SRGAP3: variants seen among roughly 807,000 people sequenced by gnomAD.
SRGAP3 encodes the protein SLIT-ROBO Rho GTPase-activating protein 3.
SRGAP3 carries 39 observed loss-of-function variants against 121.1 expected under a neutral mutation model. That is an observed-to-expected ratio of 0.32 (90% CI 0.25 to 0.42). The LOEUF is 0.42. SRGAP3 is among the 10% of genes least tolerant of loss of function. SRGAP3 has a pLI of 1.00. For synonymous variants in SRGAP3, 601 were observed against 570.0 expected, an observed-to-expected ratio of 1.05 and a Z score of -0.77; for missense variants, 1,213 against 1,470.6, an observed-to-expected ratio of 0.82 and a Z score of 2.86.
intron 19 of SRGAP3, 102 bp downstream of exon 19, chr3:8,994,241 G>C: frequency 2.1e-6 from 3 of 1,455,062 alleles, no homozygotes; most frequent in South Asian, 2.3e-5. Flanking sequence ...ATATCAAGGA[G>C]AGCAAATTGC....
At position 9,277,210 on chromosome 3, in the gene SRGAP3, G is replaced by A. The variant is rs1954600981; in HGVS notation, n.442+48800C>T. Among the ~76,000 whole-genome samples, 3 of 152,144 alleles carry A rather than the reference G, an allele frequency of 2.0e-5. No individual in the cohort carries two copies. The South Asian group carries it at 6.2e-4, about 31-fold the overall frequency. On this transcript the variant is annotated intron_variant and non_coding_transcript_variant, in intron 3 of 3. Transcript: ENST00000490889. ...TTTAATGCTCACAAAAACCTTGCAAGACATTATTCTCTCTGACTCATAGGT... is the reference window on the plus strand; with the variant it reads ...TTTAATGCTCACAAAAACCTTGCAAAACATTATTCTCTCTGACTCATAGGT...
chr3:9,058,390 C>T lies in SRGAP3; in HGVS notation c.884G>A (p.Arg295His), dbSNP rs1318503196. Residue 295 changes from arginine to histidine, a missense_variant, in exon 7 of 22, where the codon CGC becomes CAC. This residue lies in a region of SRGAP3 where 793 missense variants were observed against 1,032.9 expected (regional missense o/e 0.77). Transcript: ENST00000383836. Reference sequence around the variant, plus strand: ...CTCAATGACATCCAGCCCTTCGTGGCGAGAGGTCTCCAGGTTGTATTCAGC... The same window carrying T: ...CTCAATGACATCCAGCCCTTCGTGGTGAGAGGTCTCCAGGTTGTATTCAGC... Reference protein sequence around the residue: ...LSAEYNLETSRHEGLDVIENA... With the variant: ...LSAEYNLETSHHEGLDVIENA... 2 of 1,614,184 alleles carry T rather than the reference C, an allele frequency of 1.2e-6. No individual in the cohort carries two copies. The highest frequency in any genetic ancestry group is 1.1e-5 in the South Asian group (1 of 91,078).
intron 3 of SRGAP3, among the ~76,000 whole-genome samples, chr3:9,082,307 C>T (rs1285343724): frequency 5.3e-5 from 8 of 152,318 alleles, no homozygotes; most frequent in African/African-American, 9.6e-5. Context: ...ACAAATTACC[C>T]GGCCTCAGGT....
intron 1 of SRGAP3, among the ~76,000 whole-genome samples, chr3:9,248,023 G>C (rs977358747): frequency 6.6e-6 from 1 of 152,224 alleles, no homozygotes; most frequent in Non-Finnish European, 1.5e-5. Flanking sequence ...CGCCTGGCTA[G>C]CGTGGATTTA....
rs184970882 is a variant in SRGAP3, at chr3:9,148,284, A to G, written c.68-23367T>C. Among the ~76,000 whole-genome samples the G allele has an allele frequency of 5.9e-5, 9 of 152,324 alleles. No individual in the cohort carries two copies. In the East Asian group the frequency reaches 1.7e-3, roughly 29 times the overall value. On this transcript the variant is annotated intron_variant, in intron 1 of 21. Transcript: ENST00000383836. The stretch of plus-strand genomic sequence containing the variant: ...ACGCCCTAGAAAAACCATCAACCCC[A>G]GCATTTCTCTGTGCTAGGCAGAAAA...
At chr3:9,311,243 A>G (rs1955239228) in intron 3 of SRGAP3, among the ~76,000 whole-genome samples, 1 of 152,186 alleles carries the variant, frequency 6.6e-6, no homozygotes, top group South Asian at 2.1e-4. Flanking sequence ...GATGGTTAAT[A>G]GTTAATTGTA....
intron 1 of SRGAP3, among the ~76,000 whole-genome samples, chr3:9,209,763 A>G (rs547136623): frequency 6.6e-6 from 1 of 152,356 alleles, no homozygotes; most frequent in South Asian, 2.1e-4. Context: ...TAAATGCATA[A>G]TGGTAGAGCC....
chr3:9,038,075 C>T lies in SRGAP3; in HGVS notation c.1424G>A (p.Cys475Tyr). Residue 475 changes from cysteine to tyrosine, a missense_variant, in exon 11 of 22, where the codon TGC becomes TAC. This residue lies in a region of SRGAP3 where 793 missense variants were observed against 1,032.9 expected (regional missense o/e 0.77). Coordinates refer to ENST00000383836, the MANE Select transcript of SRGAP3 (RefSeq NM_014850.4). ...QTLGEGERAE[C>Y]GTTRPPCLPP... Reference sequence around the variant, plus strand: ...CTCCCACTCTCACCTGGTGGTGCCGCATTCTGCTCTTTCCCCTGCAAAGAA... The same window carrying T: ...CTCCCACTCTCACCTGGTGGTGCCGTATTCTGCTCTTTCCCCTGCAAAGAA... The T allele has an allele frequency of 6.2e-7, 1 of 1,614,214 alleles. No homozygotes were observed. The highest frequency in any genetic ancestry group is 8.5e-7 in the Non-Finnish European group (1 of 1,180,032).
intron 1 of SRGAP3, among the ~76,000 whole-genome samples, chr3:9,340,459 T>A (rs1955766309): frequency 6.6e-6 from 1 of 152,224 alleles, no homozygotes; most frequent in African/African-American, 2.4e-5. Flanking sequence ...CAGAAGAGTC[T>A]AAGCATTATT....
Position 9,006,385 on chromosome 3 carries a change from C to T in SRGAP3, c.2227+3923G>A, listed in dbSNP as rs908944323. 1.2e-3 allele frequency among the ~76,000 whole-genome samples: 156 copies of T among 134,840 alleles called. 3 individuals are homozygous for T. Among genetic ancestry groups the T allele is most frequent in the East Asian group, 6.2e-4 (3 of 4,840 alleles). 88.5% of individuals were successfully genotyped at this position (134,840 alleles called of 152,430 possible). On this transcript the variant is annotated intron_variant, in intron 18 of 21. Coordinates refer to ENST00000383836, the MANE Select transcript of SRGAP3 (RefSeq NM_014850.4). ...ACTTTACTACAGCCTGGCAACAGAG[C>T]GAGACTCTGTCTCAAAAAAAAAAAA...
intron 1 of SRGAP3, among the ~76,000 whole-genome samples, chr3:9,161,448 A>C (rs1950595778): frequency 6.6e-6 from 1 of 152,178 alleles, no homozygotes; most frequent in African/African-American, 2.4e-5. Flanking sequence ...ATCTCATTGG[A>C]TCTTCACATT....
intron 1 of SRGAP3, among the ~76,000 whole-genome samples, chr3:9,139,675 T>C (rs1287385951): frequency 6.6e-6 from 1 of 152,252 alleles, no homozygotes; most frequent in African/African-American, 2.4e-5. Context: ...AGCAAGTATG[T>C]GGCAATTTGC....
chr3:9,333,037 C>T (rs111691988), intron 1 of SRGAP3, among the ~76,000 whole-genome samples: 5,424 of 152,230 alleles, frequency 0.036, 343 homozygotes, highest in African/African-American at 0.12. Flanking sequence ...AAAAAATACG[C>T]TAGCTTCTTG....
At chr3:9,064,617 C>A in intron 4 of SRGAP3, 36 bp from the exon 5 acceptor site, 1 of 1,612,904 alleles carries the variant, frequency 6.2e-7, no homozygotes, top group Non-Finnish European at 8.5e-7. Flanking sequence ...CAGCAGCCAG[C>A]TATGGCCCAG....
At chr3:9,340,118 G>A (rs1227411348) in intron 1 of SRGAP3, among the ~76,000 whole-genome samples, 1 of 152,076 alleles carries the variant, frequency 6.6e-6, no homozygotes, top group Admixed American at 6.5e-5. Context: ...TCTACCACAG[G>A]GACGATCACA....
chr3:9,164,484 T>C (rs1187587461), intron 1 of SRGAP3, among the ~76,000 whole-genome samples: 2 of 151,900 alleles, frequency 1.3e-5, no homozygotes, highest in Admixed American at 1.3e-4. Context: ...GAGACAGGGT[T>C]TCACCATGTT....
chr3:9,231,558 G>A (rs371749383), intron 1 of SRGAP3, among the ~76,000 whole-genome samples: 4 of 152,116 alleles, frequency 2.6e-5, no homozygotes, highest in East Asian at 3.8e-4. Context: ...GGCCAACACC[G>A]AACTGTGTGT....
chr3:9,122,658 G>A (rs1002335451), intron 2 of SRGAP3, among the ~76,000 whole-genome samples: 9 of 147,766 alleles, frequency 6.1e-5, no homozygotes, highest in Non-Finnish European at 1.0e-4. Context: ...GCAGTGAGCC[G>A]AGATCGCACC....
intron 1 of SRGAP3, among the ~76,000 whole-genome samples, chr3:9,188,323 C>T (rs1951659332): frequency 6.6e-6 from 1 of 152,154 alleles, no homozygotes; most frequent in African/African-American, 2.4e-5. Context: ...GGATTAGAAG[C>T]AGGTAATTAG....
Sources: allele counts gnomAD v4.1 joint callset (sites outside exome capture counted in the v4.1 genomes callset), GRCh38; gene constraint gnomAD v4.1.1; regional missense constraint gnomAD v4.1.1; transcripts MANE v1.5; gene names NCBI Gene and HGNC (gene_info 2026-07-23, HGNC 2026-07-21).